Variants in EEFSEC observed in about 807,000 individuals in gnomAD.
EEFSEC encodes the protein selenocysteine-specific elongation factor.
A neutral mutation model predicts 42.1 loss-of-function variants in EEFSEC; 43 were observed. That is an observed-to-expected ratio of 1.02 (90% CI 0.80 to 1.32). The LOEUF is 1.32. Among genes scored for constraint, EEFSEC ranks in the 40% most tolerant of loss-of-function variants. EEFSEC has a pLI of 0.00. For synonymous variants in EEFSEC, 354 were observed against 339.1 expected (o/e 1.04, Z -0.48); for missense variants, 745 against 803.6 (o/e 0.93, Z 0.88).
Position 128,179,276 on chromosome 3 carries a change from G to C in EEFSEC, c.316+25453G>C, listed in dbSNP as rs147374539. Among the ~76,000 whole-genome samples, 1,038 of 152,278 alleles carry C rather than the reference G, an allele frequency of 6.8e-3. 14 individuals are homozygous for C. Among genetic ancestry groups the C allele is most frequent in the African/African-American group, 0.023 (959 of 41,556 alleles). The stretch of plus-strand genomic sequence containing the variant: ...GATGCTGGCTGCATAGGGGAGGAAG[G>C]GGGAGAGGAAGCTGTTTGCAAAACT... On this transcript the variant is annotated intron_variant, in intron 1 of 6. Coordinates refer to ENST00000254730, the MANE Select transcript of EEFSEC (RefSeq NM_021937.5).
chr3:128,298,829 TG>T (rs2066736766), intron 4 of EEFSEC, among the ~76,000 whole-genome samples: 1 of 152,254 alleles, frequency 6.6e-6, no homozygotes, highest in Admixed American at 6.5e-5. Context: ...ATTTGTCTTC[TG>T]GTGCTTGGCT....
intron 4 of EEFSEC, among the ~76,000 whole-genome samples, chr3:128,297,559 C>T (rs759570190): frequency 1.3e-5 from 2 of 152,108 alleles, no homozygotes; most frequent in African/African-American, 2.4e-5. Flanking sequence ...GTGGACCCCA[C>T]GGTCATGCTG....
intron 6 of EEFSEC, among the ~76,000 whole-genome samples, chr3:128,406,877 C>CAT (rs926500928): frequency 7.7e-4 from 116 of 150,928 alleles, no homozygotes; most frequent in African/African-American, 1.5e-3. Context: ...TATATACATA[C>CAT]ATATATATAT....
intron 1 of EEFSEC, among the ~76,000 whole-genome samples, chr3:128,164,274 C>T (rs1485878724): frequency 1.3e-5 from 2 of 152,226 alleles, no homozygotes; most frequent in African/African-American, 4.8e-5. Context: ...TCAAGGGGCT[C>T]ACAGTCCCGA....
chr3:128,281,653 G>A (rs569918609), intron 4 of EEFSEC, among the ~76,000 whole-genome samples: 1 of 152,198 alleles, frequency 6.6e-6, no homozygotes, highest in East Asian at 1.9e-4. Flanking sequence ...CTTCCTGGAT[G>A]GACCAGGGAG....
chr3:128,195,727 A>G (rs534235041), intron 1 of EEFSEC, among the ~76,000 whole-genome samples: 1 of 152,300 alleles, frequency 6.6e-6, no homozygotes, highest in East Asian at 1.9e-4. Flanking sequence ...ATATCCTTGG[A>G]AGATAGGTTG....
At chr3:128,287,208 C>T (rs2066594955) in intron 4 of EEFSEC, among the ~76,000 whole-genome samples, 1 of 152,192 alleles carries the variant, frequency 6.6e-6, no homozygotes, top group African/African-American at 2.4e-5. Context: ...GAAATGTCCC[C>T]CTTTGTCTTG....
chr3:128,237,581 A>G (rs2066025920), intron 1 of EEFSEC, among the ~76,000 whole-genome samples: 1 of 152,188 alleles, frequency 6.6e-6, no homozygotes. Flanking sequence ...CAGCCAGCAA[A>G]TGGACTTGCA....
chr3:128,275,581 G>A (rs1001668698), intron 4 of EEFSEC, among the ~76,000 whole-genome samples: 10 of 152,336 alleles, frequency 6.6e-5, no homozygotes, highest in African/African-American at 2.4e-4. Flanking sequence ...TCTTCATATG[G>A]GGAAGGCACT....
intron 4 of EEFSEC, among the ~76,000 whole-genome samples, chr3:128,306,611 C>T (rs1212431469): frequency 6.6e-6 from 1 of 152,138 alleles, no homozygotes; most frequent in Non-Finnish European, 1.5e-5. Flanking sequence ...AAATCAAAAT[C>T]ATTTTTAAAA....
At chr3:128,280,099 T>C (rs192386430) in intron 4 of EEFSEC, among the ~76,000 whole-genome samples, 1 of 152,314 alleles carries the variant, frequency 6.6e-6, no homozygotes, top group East Asian at 1.9e-4. Context: ...AAAATGCTAA[T>C]TGCAAAACCA....
chr3:128,219,472 C>G (rs1029763815), intron 1 of EEFSEC, among the ~76,000 whole-genome samples: 1 of 152,162 alleles, frequency 6.6e-6, no homozygotes, highest in South Asian at 2.1e-4. Context: ...TCCTTCTCCC[C>G]CTCAGACCTG....
chr3:128,170,702 A>T (rs1031615962), intron 1 of EEFSEC, among the ~76,000 whole-genome samples: 4 of 152,186 alleles, frequency 2.6e-5, no homozygotes, highest in Non-Finnish European at 5.9e-5. Context: ...TTCCCTCTAG[A>T]ATCAAATAGA....
chr3:128,416,700 C>T, the EEFSEC span, among the ~76,000 whole-genome samples: 3 of 152,122 alleles, frequency 2.0e-5, no homozygotes, highest in South Asian at 6.2e-4. Flanking sequence ...GCTCTCTCTT[C>T]TTGCCGGGGT....
chr3:128,173,571 G>A (rs2065319924), intron 1 of EEFSEC, among the ~76,000 whole-genome samples: 1 of 152,162 alleles, frequency 6.6e-6, no homozygotes, highest in South Asian at 2.1e-4. Flanking sequence ...TAACCATTCT[G>A]AAGTGCTCCC....
rs1167207954 is a variant in EEFSEC, at chr3:128,246,916, A to G, written c.397A>G (p.Ile133Val). The change falls in exon 2 of 7, where the codon ATC becomes GTC. Residue 133 changes from isoleucine (I) to valine (V), a missense_variant. Ile to Val is a conservative substitution (Grantham distance 29, BLOSUM62 3). Transcript: ENST00000254730. ...GACCCAGTCAGCGGAATGCCTTGTG[A>G]TCGGCCAGATTGCCTGCCAGAAGCT... ...MQTQSAECLV[I>V]GQIACQKLVV... is the part of the protein sequence containing the mutation. 3.7e-6 allele frequency: 6 copies of G among 1,614,214 alleles called. No homozygotes were observed. Among genetic ancestry groups the G allele is most frequent in the Non-Finnish European group, 4.2e-6 (5 of 1,180,034 alleles).
chr3:128,330,517 C>T (rs1279244349), intron 4 of EEFSEC, among the ~76,000 whole-genome samples: 1 of 152,278 alleles, frequency 6.6e-6, no homozygotes, highest in East Asian at 1.9e-4. Context: ...TGCCTGGAGA[C>T]TCAGAACAGG....
At chr3:128,156,591 T>G (rs1333259201) in intron 1 of EEFSEC, among the ~76,000 whole-genome samples, 1 of 152,260 alleles carries the variant, frequency 6.6e-6, no homozygotes, top group Non-Finnish European at 1.5e-5. Flanking sequence ...TTAACAATAT[T>G]TCAAACTTTT....
Position 128,205,450 on chromosome 3 carries a change from A to G in EEFSEC, c.317-41386A>G, listed in dbSNP as rs72973411. On this transcript the variant is annotated intron_variant, in intron 1 of 6. Transcript: ENST00000254730. ...TGCTGCGGGGGTGCCCTTGAGGAAG[A>G]GTCCCAGGGTGATGAGGGTGAGGGT... 8.3e-4 allele frequency among the ~76,000 whole-genome samples: 127 copies of G among 152,302 alleles called. 1 individual carries two copies. The highest frequency in any genetic ancestry group is 3.0e-3 in the African/African-American group (123 of 41,556).
Sources: allele counts gnomAD v4.1 joint callset (sites outside exome capture counted in the v4.1 genomes callset), GRCh38; gene constraint gnomAD v4.1.1; transcripts MANE v1.5; gene names NCBI Gene and HGNC (gene_info 2026-07-23, HGNC 2026-07-21).